The following PRRG3 variants were observed in gnomAD, a reference collection of about 807,000 sequenced individuals.
The protein encoded by PRRG3 is proline rich and Gla domain 3, also known as transmembrane gamma-carboxyglutamic acid protein 3.
PRRG3 carries 21 observed loss-of-function variants against 15.8 expected under a neutral mutation model. The ratio of observed to expected loss-of-function variants is 1.33; its 90% confidence interval spans 0.94 to 1.92. The LOEUF (loss-of-function observed/expected upper bound fraction) is 1.92. Ranked by LOEUF, PRRG3 falls within the 40% of genes most tolerant of loss-of-function variation. PRRG3 has a pLI of 0.00. For missense variants in PRRG3, 251 were observed against 200.2 expected (o/e 1.25, Z -1.53); for synonymous variants, 125 against 84.1 (o/e 1.49, Z -2.66).
rs1333217875 is a variant in PRRG3 at position 151,700,998 on chromosome X, G to A, written c.661G>A (p.Glu221Lys). ...CAGTGACCCACCCCCAAAGTACGAGGAGATAGTGGCCGCCAACCCTGGCGC... is the reference window on the plus strand; with the variant it reads ...CAGTGACCCACCCCCAAAGTACGAGAAGATAGTGGCCGCCAACCCTGGCGC... ...SYSDPPPKYE[E>K]IVAANPGADK The change falls in exon 4 of 4, where the codon GAG (glutamate) becomes AAG (lysine). Residue 221 changes from glutamate (E) to lysine (K), a missense_variant. By Grantham distance (56) the Glu-to-Lys change is moderately conservative. Coordinates refer to ENST00000674457, the MANE Select transcript of PRRG3 (RefSeq NM_001372163.1). 7 of 1,167,534 alleles carry A rather than the reference G, an allele frequency of 6.0e-6. No individual in the cohort carries two copies. Among genetic ancestry groups the A allele is most frequent in the Non-Finnish European group, 8.0e-6 (7 of 873,366 alleles).
At chrX:151,696,422 T>A (rs751796113) in intron 1 of PRRG3, among the ~76,000 whole-genome samples, 2 of 110,616 alleles carry the variant, frequency 1.8e-5, no homozygotes, top group Admixed American at 1.9e-4. Flanking sequence ...TGTTCCTGGC[T>A]CGACTGAAGC....
rs1429076214 is a variant in PRRG3 at position 151,700,594 on chromosome X, T to C, written c.257T>C (p.Leu86Pro). 1.7e-6 allele frequency: 2 copies of C among 1,210,253 alleles called. No individual in the cohort carries two copies. Among genetic ancestry groups the C allele is most frequent in the South Asian group, 3.5e-5 (2 of 56,889 alleles). Residue 86 changes from leucine (L) to proline (P), a missense_variant, in exon 4 of 4, where the codon CTT (leucine) becomes CCT (proline). Physicochemically the swap from Leu to Pro is moderately conservative, Grantham distance 98 (BLOSUM62 -3). Coordinates refer to ENST00000674457, the MANE Select transcript of PRRG3 (RefSeq NM_001372163.1). ...SSDAMYVVVPLLGVALLIVIA... is the reference protein window; with the variant it reads ...SSDAMYVVVPPLGVALLIVIA... ...GATGCCATGTATGTGGTGGTACCCC[T>C]TCTGGGGGTGGCACTGCTGATTGTC...
rs1261000362 is a variant in PRRG3, at chrX:151,705,443, A to G, written c.*4410A>G. The G allele has an allele frequency of 3.0e-6, 1 of 338,355 alleles. No individual in the cohort carries two copies. Among genetic ancestry groups the G allele is most frequent in the Non-Finnish European group, 6.0e-6 (1 of 167,236 alleles). 27.9% of individuals were successfully genotyped at this position (338,355 alleles called of 1,213,427 possible). On this transcript the variant is annotated 3_prime_UTR_variant, in exon 4 of 4. Coordinates refer to ENST00000674457, the MANE Select transcript of PRRG3 (RefSeq NM_001372163.1). ...AATGCCTCAACAGTTGTTTCACTGT[A>G]CTGATATCTGACTGCTGAACAGTGC...
At position 151,700,985 on chromosome X, in the gene PRRG3, C is replaced by G; in HGVS notation, c.648C>G (p.Pro216=). 1 of 1,181,647 alleles carries G rather than the reference C, an allele frequency of 8.5e-7. No individual in the cohort carries two copies. Among genetic ancestry groups the G allele is most frequent in the Non-Finnish European group, 1.1e-6 (1 of 879,797 alleles). Residue 216 remains proline (P), a synonymous_variant, in exon 4 of 4, where the codon CCC becomes CCG. Transcript: ENST00000674457. The part of the protein sequence containing the change: ...EEASVSYSDP[P]PKYEEIVAAN... ...CCAGCGTGTCTTACAGTGACCCACCCCCAAAGTACGAGGAGATAGTGGCCG... is the reference window on the plus strand; with the variant it reads ...CCAGCGTGTCTTACAGTGACCCACCGCCAAAGTACGAGGAGATAGTGGCCG...
At chrX:151,694,711 TG>T (rs2014725125), upstream of PRRG3, among the ~76,000 whole-genome samples, 1 of 107,886 alleles carries the variant, frequency 9.3e-6, no homozygotes, top group Non-Finnish European at 1.9e-5. Flanking sequence ...CTCTTTTCGT[TG>T]GCCCCAGGAG....
chrX:151,696,510 C>T (rs1255605676), intron 1 of PRRG3, among the ~76,000 whole-genome samples: 1 of 111,072 alleles, frequency 9.0e-6, no homozygotes, highest in East Asian at 2.8e-4. Flanking sequence ...GACATATAGC[C>T]ACCTTTGACC....
chrX:151,696,766 T>G (rs1251809527), intron 1 of PRRG3, among the ~76,000 whole-genome samples: 2 of 110,413 alleles, frequency 1.8e-5, no homozygotes, highest in African/African-American at 6.6e-5. Context: ...GTATCCATAA[T>G]GCAAGCAGAA....
At position 151,704,603 on chromosome X, in the gene PRRG3, G is replaced by A. The variant is rs1200473687; in HGVS notation, c.*3570G>A. Reference sequence around the variant, plus strand: ...GGAGAGAGTCTCTCTCGCTCACGGAGGCTCTGTCTTTCTAGGAGTATGTGT... The same window carrying A: ...GGAGAGAGTCTCTCTCGCTCACGGAAGCTCTGTCTTTCTAGGAGTATGTGT... On this transcript the variant is annotated 3_prime_UTR_variant, in exon 4 of 4. Transcript: ENST00000674457. 2 of 111,234 alleles carry A rather than the reference G, an allele frequency of 1.8e-5. No individual in the cohort carries two copies. The highest frequency in any genetic ancestry group is 3.8e-5 in the Non-Finnish European group (2 of 53,008). The allele number at this position is 111,234 out of a possible 1,213,427, so 9.2% of individuals were successfully genotyped here.
At chrX:151,697,094 T>TCCTTCCTCCCTTCCTTCCTTCCTC (rs1214771779) in intron 1 of PRRG3, among the ~76,000 whole-genome samples, 1 of 75,836 alleles carries the variant, frequency 1.3e-5, no homozygotes. Flanking sequence ...CTTCCTTCCT[T>TCCTTCCTCCCTTCCTTCCTTCCTC]CCTCCCTCCC....
intron 1 of PRRG3, among the ~76,000 whole-genome samples, chrX:151,697,696 G>T (rs1431286409): frequency 9.1e-6 from 1 of 109,316 alleles, no homozygotes; most frequent in Non-Finnish European, 1.9e-5. Context: ...CACAGTTCAC[G>T]TGTCTTGCAT....
In PRRG3 at chrX:151,701,261, G is replaced by A; in HGVS notation, c.*228G>A. On this transcript the variant is annotated 3_prime_UTR_variant, in exon 4 of 4. Transcript: ENST00000674457. ...CCCGGGAAGAGCCAAAGGCCAAAGT[G>A]CCCAACTCTTTGGGATGACCCCCAA... The A allele has an allele frequency of 3.3e-6, 1 of 300,024 alleles. No homozygotes were observed. Among genetic ancestry groups the A allele is most frequent in the Non-Finnish European group, 5.8e-6 (1 of 171,862 alleles). The allele number at this position is 300,024 out of a possible 1,213,427, so 24.7% of individuals were successfully genotyped here. A position where few individuals can be genotyped will look rare whatever the true frequency, so the allele number is the denominator to read the frequency against.
chrX:151,695,389 G>A (rs1305574317), upstream of PRRG3: 1 of 111,296 alleles, frequency 9.0e-6, no homozygotes, highest in African/African-American at 3.3e-5. Context: ...AGCGGGGAGG[G>A]GAGGAAGGGA....
In PRRG3 at chrX:151,703,589, G is replaced by A. The variant is rs2014921550; in HGVS notation, c.*2556G>A. On this transcript the variant is annotated 3_prime_UTR_variant, in exon 4 of 4. Coordinates refer to ENST00000674457, the MANE Select transcript of PRRG3 (RefSeq NM_001372163.1). ...AGGGATCCGGTCTGAAAAGAGGAAT[G>A]TCACCTCCCCTCGCAGGGCTGAGTA... The A allele has an allele frequency of 9.0e-6, 1 of 110,730 alleles. No individual in the cohort carries two copies. Among genetic ancestry groups the A allele is most frequent in the African/African-American group, 3.3e-5 (1 of 30,341 alleles). The allele number at this position is 110,730 out of a possible 1,213,427, so 9.1% of individuals were successfully genotyped here.
rs898939985 is a variant in PRRG3 at position 151,698,703 on chromosome X, G to T, written c.-31-81G>T. On this transcript the variant is annotated intron_variant, in intron 1 of 3. Transcript: ENST00000674457. ...CCTTTTGACCACGCCAGTGGGAGGG[G>T]GGCACATCCCAGAGCCAAGAGTGTG... The T allele has an allele frequency of 1.6e-5, 12 of 763,668 alleles. No individual in the cohort carries two copies. In the African/African-American group the frequency reaches 2.5e-4, roughly 16 times the overall value. 62.9% of individuals were successfully genotyped at this position (763,668 alleles called of 1,213,427 possible). A position where few individuals can be genotyped will look rare whatever the true frequency, so the allele number is the denominator to read the frequency against.
intron 1 of PRRG3, among the ~76,000 whole-genome samples, chrX:151,696,503 A>T (rs1056086965): frequency 9.0e-6 from 1 of 111,392 alleles, no homozygotes; most frequent in Non-Finnish European, 1.9e-5. Flanking sequence ...TAGGTGTGAC[A>T]TATAGCCACC....
In PRRG3 at chrX:151,705,120, A is replaced by C. The variant is rs1176669042; in HGVS notation, c.*4087A>C. The C allele has an allele frequency of 3.7e-6, 1 of 267,270 alleles. No individual in the cohort carries two copies. The highest frequency in any genetic ancestry group is 7.1e-6 in the Non-Finnish European group (1 of 140,284). The allele number at this position is 267,270 out of a possible 1,213,427, so 22.0% of individuals were successfully genotyped here. A position where few individuals can be genotyped will look rare whatever the true frequency, so the allele number is the denominator to read the frequency against. On this transcript the variant is annotated 3_prime_UTR_variant, in exon 4 of 4. Coordinates refer to ENST00000674457, the MANE Select transcript of PRRG3 (RefSeq NM_001372163.1). ...CAGCACTTCTCGTATGTACAGGGTG[A>C]TCTCTTGTTCTCTCTCCATCACAGG...
At chrX:151,700,180 T>A in intron 3 of PRRG3, 24 bp downstream of exon 3, 2 of 1,211,706 alleles carry the variant, frequency 1.7e-6, no homozygotes. Context: ...TGGGGCTGGT[T>A]CTGGGAGTAG....
In PRRG3 at chrX:151,704,387, A is replaced by C. The variant is rs1023001807; in HGVS notation, c.*3354A>C. On this transcript the variant is annotated 3_prime_UTR_variant, in exon 4 of 4. Coordinates refer to ENST00000674457, the MANE Select transcript of PRRG3 (RefSeq NM_001372163.1). Reference sequence around the variant, plus strand: ...TTGCCTTTTTGGTAGCCCGAATATGAGGAATTCAGGACAGGAAAGTGTCTT... The same window carrying C: ...TTGCCTTTTTGGTAGCCCGAATATGCGGAATTCAGGACAGGAAAGTGTCTT... 2.7e-5 allele frequency: 3 copies of C among 111,597 alleles called. No homozygotes were observed. The highest frequency in any genetic ancestry group is 6.5e-5 in the African/African-American group (2 of 30,634). The allele number at this position is 111,597 out of a possible 1,213,427, so 9.2% of individuals were successfully genotyped here.
chrX:151,696,954 T>C (rs6526014), intron 1 of PRRG3, among the ~76,000 whole-genome samples: 44,677 of 110,315 alleles, frequency 0.4, 6,915 homozygotes, highest in East Asian at 0.78. Flanking sequence ...TCTGCTGTTT[T>C]ACCTTTAATT....
Sources: gnomAD v4.1 joint callset for allele counts (sites outside exome capture counted in the v4.1 genomes callset) on GRCh38, gnomAD v4.1.1 for gene constraint, MANE v1.5 for transcripts, NCBI Gene and HGNC (gene_info 2026-07-23, HGNC 2026-07-21) for gene names.